DNER: variants seen among roughly 807,000 people sequenced by gnomAD.
The protein encoded by DNER is delta/notch like EGF repeat containing.
Under a neutral mutation model 78.2 loss-of-function variants are expected in DNER, and 33 were observed. The ratio of observed to expected loss-of-function variants is 0.42; its 90% CI spans 0.32 to 0.56. The LOEUF is 0.56. DNER is among the 20% of genes least tolerant of loss of function. The pLI, the probability that DNER is intolerant of heterozygous loss-of-function variation, is 0.11. For missense variants in DNER, 918 were observed against 975.3 expected (o/e 0.94, Z 0.78); for synonymous variants, 417 against 384.8 (o/e 1.08, Z -0.98).
chr2:229,419,978 G>A (rs1024837959), intron 8 of DNER, among the ~76,000 whole-genome samples: 12 of 149,084 alleles, frequency 8.0e-5, no homozygotes, highest in Admixed American at 1.4e-4. Context: ...AGGAGGCTGC[G>A]CAGGACAGCC....
chr2:229,671,016 T>G (rs147981750), intron 1 of DNER, among the ~76,000 whole-genome samples: 1 of 152,314 alleles, frequency 6.6e-6, no homozygotes, highest in African/African-American at 2.4e-5. Flanking sequence ...GCTTTTTAAA[T>G]ACTTTTTCTC....
rs918563000 is a variant in DNER at position 229,541,453 on chromosome 2, T to A, written c.993+5494A>T. ...TTTTTGGATGAGGTTTACACTGAAA[T>A]CAGTAAGTTTAATATATCTAGTGTT... On this transcript the variant is annotated intron_variant, in intron 5 of 12. Transcript: ENST00000341772. Among the ~76,000 whole-genome samples, 11 of 152,284 alleles carry A rather than the reference T, an allele frequency of 7.2e-5. No homozygotes were observed. The South Asian group carries it at 2.1e-3, about 29-fold the overall frequency.
intron 5 of DNER, among the ~76,000 whole-genome samples, chr2:229,529,517 T>C (rs1696264798): frequency 6.6e-6 from 1 of 152,218 alleles, no homozygotes; most frequent in Non-Finnish European, 1.5e-5. Flanking sequence ...TTTAATATTT[T>C]ACTTTCAACC....
At chr2:229,650,825 T>C (rs1698803421) in intron 1 of DNER, among the ~76,000 whole-genome samples, 1 of 152,196 alleles carries the variant, frequency 6.6e-6, no homozygotes, top group South Asian at 2.1e-4. Context: ...CAGGGGCCAC[T>C]TTATGGCTGG....
rs142005673 is a variant in DNER at position 229,451,739 on chromosome 2, A to T, written c.1262-4199T>A. 5.0e-3 allele frequency among the ~76,000 whole-genome samples: 767 copies of T among 152,328 alleles called. 8 individuals are homozygous for T. The highest frequency in any genetic ancestry group is 0.018 in the African/African-American group (735 of 41,560). On this transcript the variant is annotated intron_variant, in intron 7 of 12. Transcript: ENST00000341772. ...ACACTGCACAGAAGAGAAGTGAATGACCAACCAATTAAGATGTTATGATGT... is the reference window on the plus strand; with the variant it reads ...ACACTGCACAGAAGAGAAGTGAATGTCCAACCAATTAAGATGTTATGATGT...
In DNER at chr2:229,521,954, C is replaced by T. The variant is rs148279460; in HGVS notation, c.994-9018G>A. On this transcript the variant is annotated intron_variant, in intron 5 of 12. Transcript: ENST00000341772. Reference sequence around the variant, plus strand: ...CACTTATAGCTCATAATTTTATTTCCTCATCATTCTTAGATATACTATCAT... The same window carrying T: ...CACTTATAGCTCATAATTTTATTTCTTCATCATTCTTAGATATACTATCAT... Among the ~76,000 whole-genome samples, 15 of 152,020 alleles carry T rather than the reference C, an allele frequency of 9.9e-5. No individual in the cohort carries two copies. In the South Asian group the frequency reaches 2.5e-3, roughly 25 times the overall value.
At chr2:229,472,575 T>C (rs151274077) in intron 7 of DNER, among the ~76,000 whole-genome samples, 3,644 of 152,292 alleles carry the variant, frequency 0.024, 76 homozygotes, top group Middle Eastern at 0.048. Flanking sequence ...AATACCAATA[T>C]GCAGTAATCC....
At chr2:229,677,529 C>A (rs113540899) in intron 1 of DNER, among the ~76,000 whole-genome samples, 1,995 of 152,318 alleles carry the variant, frequency 0.013, 55 homozygotes, top group African/African-American at 0.045. Flanking sequence ...TCCCACCTCT[C>A]ACAACTCTGG....
At chr2:229,369,207 T>TCTAAAAAGTTAAAAAAAGGTTTTAACTTC (rs1692420744) in intron 11 of DNER, among the ~76,000 whole-genome samples, 1 of 151,706 alleles carries the variant, frequency 6.6e-6, no homozygotes, top group African/African-American at 2.4e-5. Context: ...AGTTAAACTT[T>TCTAAAAAGTTAAAAAAAGGTTTTAACTTC]CTAAAAAGTT....
intron 1 of DNER, among the ~76,000 whole-genome samples, chr2:229,673,505 T>C (rs1039619541): frequency 6.6e-6 from 1 of 152,192 alleles, no homozygotes; most frequent in Non-Finnish European, 1.5e-5. Context: ...CTTAGAATCA[T>C]TAGCTCCCTT....
Position 229,367,024 on chromosome 2 carries a change from T to C in DNER, c.1951A>G (p.Ile651Val), listed in dbSNP as rs1305962020. 1.2e-6 allele frequency: 2 copies of C among 1,613,912 alleles called. No individual in the cohort carries two copies. Among genetic ancestry groups the C allele is most frequent in the African/African-American group, 2.7e-5 (2 of 74,876 alleles). Reference protein sequence around the residue: ...IIIGALCVAFILMLIILIVGI... With the variant: ...IIIGALCVAFVLMLIILIVGI... ...ACGATCAGGATGATCAGCATAAGGATGAAGGCCACGCAGAGGGCTCCAATG... is the reference window on the plus strand; with the variant it reads ...ACGATCAGGATGATCAGCATAAGGACGAAGGCCACGCAGAGGGCTCCAATG... Residue 651 changes from isoleucine (I) to valine (V), a missense_variant, in exon 12 of 13, where the codon ATC becomes GTC. Physicochemically the swap from Ile to Val is conservative, Grantham distance 29 (BLOSUM62 3). Coordinates refer to ENST00000341772, the MANE Select transcript of DNER (RefSeq NM_139072.4).
intron 6 of DNER, among the ~76,000 whole-genome samples, chr2:229,512,148 G>T (rs1013483190): frequency 6.6e-6 from 1 of 152,090 alleles, no homozygotes; most frequent in Non-Finnish European, 1.5e-5. Flanking sequence ...TTTGGGAGGT[G>T]GAGGCAGGTG....
In DNER at chr2:229,649,163, C is replaced by CTT. The variant is rs1698769970; in HGVS notation, c.277-57277_277-57276dup. On this transcript the variant is annotated intron_variant, in intron 1 of 12. Coordinates refer to ENST00000341772, the MANE Select transcript of DNER (RefSeq NM_139072.4). Reference sequence around the variant, plus strand: ...AAGGCCTTGGCGAGTACTCTCGGCTCTTCTAATTCACCATCATTCAGGATT... The same window carrying CTT: ...AAGGCCTTGGCGAGTACTCTCGGCTCTTTTCTAATTCACCATCATTCAGGATT... Among the ~76,000 whole-genome samples, 4 of 152,226 alleles carry CTT rather than the reference C, an allele frequency of 2.6e-5. No individual in the cohort carries two copies. In the South Asian group the frequency reaches 8.3e-4, roughly 32 times the overall value.
intron 1 of DNER, among the ~76,000 whole-genome samples, chr2:229,690,769 A>G (rs960069578): frequency 6.6e-6 from 1 of 152,192 alleles, no homozygotes. Context: ...GTTACAAAGG[A>G]GGTAGAAAGT....
At chr2:229,596,724 C>T (rs1407151618) in intron 1 of DNER, among the ~76,000 whole-genome samples, 3 of 152,220 alleles carry the variant, frequency 2.0e-5, no homozygotes, top group Non-Finnish European at 4.4e-5. Flanking sequence ...ACCCTAAGTG[C>T]TCTTGTCTGA....
rs1478559297 is a variant in DNER, at chr2:229,534,887, G to A, written c.993+12060C>T. 2.6e-5 allele frequency among the ~76,000 whole-genome samples: 4 copies of A among 152,000 alleles called. No homozygotes were observed. The East Asian group carries it at 5.8e-4, about 22-fold the overall frequency. On this transcript the variant is annotated intron_variant, in intron 5 of 12. Coordinates refer to ENST00000341772, the MANE Select transcript of DNER (RefSeq NM_139072.4). Reference sequence around the variant, plus strand: ...GTCTTACTCTGTTGCCCAGGCTGGAGTACCCTGGCACGATCTCAACTCACT... The same window carrying A: ...GTCTTACTCTGTTGCCCAGGCTGGAATACCCTGGCACGATCTCAACTCACT...
At chr2:229,539,334 T>C (rs1375959889) in intron 5 of DNER, among the ~76,000 whole-genome samples, 1 of 152,210 alleles carries the variant, frequency 6.6e-6, no homozygotes, top group Non-Finnish European at 1.5e-5. Context: ...GGGAGTTCAC[T>C]GATGCTTTCA....
chr2:229,617,387 C>T (rs187990346), intron 1 of DNER, among the ~76,000 whole-genome samples: 1 of 152,232 alleles, frequency 6.6e-6, no homozygotes, highest in African/African-American at 2.4e-5. Context: ...CAAATATGTT[C>T]CTTATAATTT....
intron 7 of DNER, among the ~76,000 whole-genome samples, chr2:229,464,173 A>C (rs1030433021): frequency 2.6e-5 from 4 of 152,188 alleles, no homozygotes; most frequent in African/African-American, 9.7e-5. Context: ...TGGAAAACTT[A>C]ATTGGGACCA....
Sources: allele counts gnomAD v4.1 joint callset (sites outside exome capture counted in the v4.1 genomes callset), GRCh38; gene constraint gnomAD v4.1.1; transcripts MANE v1.5; gene names NCBI Gene and HGNC (gene_info 2026-07-23, HGNC 2026-07-21).